The following TMPRSS15 variants were observed in gnomAD, a reference collection of about 807,000 sequenced individuals.
TMPRSS15 encodes the protein enteropeptidase.
TMPRSS15 carries 128 observed loss-of-function variants against 125.3 expected under a neutral mutation model. The observed-to-expected ratio is 1.02, with a 90% CI of 0.89 to 1.18. The LOEUF (loss-of-function observed/expected upper bound fraction) is 1.18, where lower values mean the gene tolerates loss of function less well. Ranked by LOEUF, TMPRSS15 falls within the 50% of genes most tolerant of loss-of-function variation. TMPRSS15 has a pLI of 0.00. For synonymous variants in TMPRSS15, 446 were observed against 423.2 expected, an observed-to-expected ratio of 1.05 and a Z score of -0.66; for missense variants, 1,283 against 1,212.7, an observed-to-expected ratio of 1.06 and a Z score of -0.86.
intron 3 of TMPRSS15, among the ~76,000 whole-genome samples, chr21:18,394,013 A>C (rs182897523): frequency 1.9e-3 from 293 of 152,306 alleles, no homozygotes; most frequent in African/African-American, 6.7e-3. Context: ...TAAGCGAGCA[A>C]ATGAATGGAT....
chr21:18,346,038 T>C lies in TMPRSS15; in HGVS notation c.1172-1978A>G, dbSNP rs1158326205. The stretch of plus-strand genomic sequence containing the variant: ...TAATTATGTAGACTATAGTACCTTA[T>C]AAATCTTGCCTAGAGTAAATATCAT... On this transcript the variant is annotated intron_variant, in intron 10 of 24. Transcript: ENST00000284885. 2.0e-5 allele frequency among the ~76,000 whole-genome samples: 3 copies of C among 152,140 alleles called. No individual in the cohort carries two copies. In the East Asian group the frequency reaches 5.8e-4, roughly 29 times the overall value.
At chr21:18,420,044 C>A (rs978021109) in intron 1 of TMPRSS15, among the ~76,000 whole-genome samples, 1 of 152,064 alleles carries the variant, frequency 6.6e-6, no homozygotes, top group Non-Finnish European at 1.5e-5. Flanking sequence ...CATACCGTAG[C>A]CTAGCCTGAG....
chr21:18,459,262 T>C (rs1203705010), intron 1 of TMPRSS15, among the ~76,000 whole-genome samples: 1 of 151,630 alleles, frequency 6.6e-6, no homozygotes, highest in East Asian at 1.9e-4. Context: ...TATCAACAGG[T>C]CTACTCTTTT....
At chr21:18,290,153 T>C (rs1357506335) in intron 21 of TMPRSS15, among the ~76,000 whole-genome samples, 1 of 152,158 alleles carries the variant, frequency 6.6e-6, no homozygotes, top group Non-Finnish European at 1.5e-5. Context: ...AATCAAGATG[T>C]AAAAATACAG....
chr21:18,309,412 G>T (rs865864481), intron 18 of TMPRSS15, among the ~76,000 whole-genome samples: 1 of 152,048 alleles, frequency 6.6e-6, no homozygotes, highest in Non-Finnish European at 1.5e-5. Flanking sequence ...CAAATGGGAT[G>T]TAATTAAACT....
chr21:18,294,770 T>C lies in TMPRSS15; in HGVS notation c.2262-118A>G, dbSNP rs926816146. 14 of 878,132 alleles carry C rather than the reference T, an allele frequency of 1.6e-5. No homozygotes were observed. The South Asian group carries it at 1.9e-4, about 12-fold the overall frequency. The allele number at this position is 878,132 out of a possible 1,614,324, so 54.4% of individuals were successfully genotyped here. A position where few individuals can be genotyped will look rare whatever the true frequency, so the allele number is the denominator to read the frequency against. On this transcript the variant is annotated intron_variant, in intron 19 of 24. Coordinates refer to ENST00000284885, the MANE Select transcript of TMPRSS15 (RefSeq NM_002772.3). ...AATGGACATCTTAATGTCTCATATA[T>C]GAAATGTAGGGAGACTGAATTGTAA...
chr21:18,272,436 G>A (rs902476944), intron 24 of TMPRSS15, among the ~76,000 whole-genome samples: 1 of 151,986 alleles, frequency 6.6e-6, no homozygotes, highest in African/African-American at 2.4e-5. Flanking sequence ...TCAAAAATAT[G>A]CATGGGACCC....
At chr21:18,473,357 G>T (rs1189358088) in intron 1 of TMPRSS15, among the ~76,000 whole-genome samples, 1 of 151,964 alleles carries the variant, frequency 6.6e-6, no homozygotes, top group Non-Finnish European at 1.5e-5. Context: ...ATTTATTAAT[G>T]AAATCTGCAG....
At chr21:18,467,578 C>T (rs1325256265) in intron 1 of TMPRSS15, among the ~76,000 whole-genome samples, 3 of 151,664 alleles carry the variant, frequency 2.0e-5, no homozygotes, top group African/African-American at 7.3e-5. Context: ...CCTAACATAC[C>T]AGAGTTTAAA....
intron 1 of TMPRSS15, among the ~76,000 whole-genome samples, chr21:18,452,358 A>C (rs760504797): frequency 9.8e-5 from 15 of 152,296 alleles, no homozygotes; most frequent in Admixed American, 2.6e-4. Flanking sequence ...CACACAAAGC[A>C]AACATAATGT....
intron 12 of TMPRSS15, among the ~76,000 whole-genome samples, chr21:18,341,878 T>C (rs1428042976): frequency 6.6e-6 from 1 of 152,206 alleles, no homozygotes; most frequent in African/African-American, 2.4e-5. Flanking sequence ...CTGTCATGCA[T>C]ATATATCATC....
At chr21:18,328,216 A>G (rs1420704451) in intron 15 of TMPRSS15, among the ~76,000 whole-genome samples, 1 of 152,182 alleles carries the variant, frequency 6.6e-6, no homozygotes, top group African/African-American at 2.4e-5. Context: ...AATTTCCTCT[A>G]CAAGAGTACA....
At chr21:18,386,991 G>T (rs961450473) in intron 3 of TMPRSS15, among the ~76,000 whole-genome samples, 5 of 152,144 alleles carry the variant, frequency 3.3e-5, no homozygotes, top group African/African-American at 1.2e-4. Flanking sequence ...TCTCTTAGTT[G>T]TGAATTATGC....
At position 18,326,449 on chromosome 21, in the gene TMPRSS15, T is replaced by C. The variant is rs372486774; in HGVS notation, c.1904A>G (p.Tyr635Cys). The C allele has an allele frequency of 6.2e-6, 10 of 1,614,166 alleles. No individual in the cohort carries two copies. The highest frequency in any genetic ancestry group is 1.1e-5 in the South Asian group (1 of 91,088). Residue 635 changes from tyrosine (Y) to cysteine (C), a missense_variant, in exon 16 of 25, where the codon TAT (tyrosine) becomes TGT (cysteine). By Grantham distance (194) the Tyr-to-Cys change is radical. Coordinates refer to ENST00000284885, the MANE Select transcript of TMPRSS15 (RefSeq NM_002772.3). ...GCTCCTACCTGGAATCCCCAAGTGA[T>C]AGCCAGTAGTAAAGTTTGCTTTAAA... ...GGFKANFTTG[Y>C]HLGIPEPCKA...
Position 18,343,601 on chromosome 21 carries a change from G to C in TMPRSS15, c.1333C>G (p.Gln445Glu), listed in dbSNP as rs1312517194. The change falls in exon 12 of 25, where the codon CAA (glutamine) becomes GAA (glutamate). Residue 445 changes from glutamine (Q) to glutamate (E), a missense_variant. By Grantham distance (29) the Gln-to-Glu change is conservative. Transcript: ENST00000284885. The stretch of plus-strand genomic sequence containing the variant: ...TGGAAAACTGTCTTCTCCATATTTT[G>C]GTCATTGCTGATATTAATGCTTAAT... ...HKLSINISND[Q>E]NMEKTVFQKE... 3 of 1,612,918 alleles carry C rather than the reference G, an allele frequency of 1.9e-6. No homozygotes were observed. The highest frequency in any genetic ancestry group is 2.2e-5 in the East Asian group (1 of 44,788).
intron 16 of TMPRSS15, among the ~76,000 whole-genome samples, chr21:18,319,451 A>C (rs1302657892): frequency 7.5e-6 from 1 of 133,868 alleles, no homozygotes; most frequent in African/African-American, 2.7e-5. Context: ...TTTTTGAGAC[A>C]GAGTTTTGCT....
chr21:18,477,429 T>C (rs1326967484), intron 1 of TMPRSS15: 1 of 152,094 alleles, frequency 6.6e-6, no homozygotes, highest in Non-Finnish European at 1.5e-5. Flanking sequence ...CATTTATAGA[T>C]AGAAAGTTCA....
intron 1 of TMPRSS15, among the ~76,000 whole-genome samples, chr21:18,481,784 G>A (rs150247564): frequency 1.3e-5 from 2 of 151,438 alleles, no homozygotes; most frequent in African/African-American, 4.8e-5. Context: ...TAATAGGTAG[G>A]TAATACATTA....
At chr21:18,271,590 CTT>C (rs989160310) in intron 24 of TMPRSS15, among the ~76,000 whole-genome samples, 2 of 151,954 alleles carry the variant, frequency 1.3e-5, no homozygotes, top group African/African-American at 4.8e-5. Context: ...CCTTAATTTT[CTT>C]TTCTTTTCTT....
Sources: allele counts gnomAD v4.1 joint callset (sites outside exome capture counted in the v4.1 genomes callset), GRCh38; gene constraint gnomAD v4.1.1; transcripts MANE v1.5; gene names NCBI Gene and HGNC (gene_info 2026-07-23, HGNC 2026-07-21).